The following WRNIP1 variants were observed in gnomAD, a reference collection of about 807,000 sequenced individuals.
The protein encoded by WRNIP1 is ATPase WRNIP1.
In WRNIP1, 41 loss-of-function variants were observed where a neutral mutation model predicts 56.1. That is an observed-to-expected ratio of 0.73 (90% CI 0.57 to 0.95). The LOEUF (loss-of-function observed/expected upper bound fraction) is 0.95, where lower values mean the gene tolerates loss of function less well. Ranked by LOEUF, WRNIP1 falls within the 40% of genes least tolerant of loss-of-function variation. The pLI, the probability that WRNIP1 is intolerant of heterozygous loss-of-function variation, is 0.00. For missense variants in WRNIP1, 1,170 were observed against 939.4 expected (o/e 1.25, Z -3.21); for synonymous variants, 547 against 398.1 (o/e 1.37, Z -4.45).
intron 3 of WRNIP1, chr6:2,773,349 G>A (rs1040343037): frequency 3.3e-5 from 33 of 985,284 alleles, no homozygotes; most frequent in Admixed American, 6.1e-5. Context: ...ACGCTTATAC[G>A]CCAAGTGCAG....
In WRNIP1 at chr6:2,765,777, C is replaced by T. The variant is rs768322873; in HGVS notation, c.155C>T (p.Ala52Val). ...LHPAGHAEPA[A>V]GSHRAGERAK... ...CCGGCGGGGCACGCGGAGCCCGCGG[C>T]CGGGTCGCACCGCGCCGGGGAGCGG... The change falls in exon 1 of 7, where the codon GCC becomes GTC. Residue 52 changes from alanine to valine, a missense_variant. Physicochemically the swap from Ala to Val is moderately conservative, Grantham distance 64. Transcript: ENST00000380773. The T allele has an allele frequency of 2.4e-5, 35 of 1,442,512 alleles. No individual in the cohort carries two copies. Among genetic ancestry groups the T allele is most frequent in the Non-Finnish European group, 2.6e-5 (29 of 1,099,358 alleles). 89.4% of individuals were successfully genotyped at this position (1,442,512 alleles called of 1,614,324 possible).
chr6:2,783,800 T>G (rs980156224), intron 5 of WRNIP1, among the ~76,000 whole-genome samples: 2 of 152,166 alleles, frequency 1.3e-5, no homozygotes, highest in African/African-American at 4.8e-5. Flanking sequence ...AGTCACCATT[T>G]TCTGTTTCCT....
intron 4 of WRNIP1, among the ~76,000 whole-genome samples, chr6:2,780,045 A>G (rs936554118): frequency 6.6e-6 from 1 of 152,240 alleles, no homozygotes; most frequent in Non-Finnish European, 1.5e-5. Flanking sequence ...GCATTTACAG[A>G]TAGCAGATTT....
At chr6:2,776,012 T>G (rs1008208105) in intron 3 of WRNIP1, among the ~76,000 whole-genome samples, 2 of 152,214 alleles carry the variant, frequency 1.3e-5, no homozygotes, top group African/African-American at 4.8e-5. Flanking sequence ...ATATGCTTAA[T>G]TTTAATATAT....
At chr6:2,782,376 CGTGGG>C (rs1424745457) in intron 4 of WRNIP1, among the ~76,000 whole-genome samples, 1 of 152,248 alleles carries the variant, frequency 6.6e-6, no homozygotes, top group African/African-American at 2.4e-5. Context: ...CAGGCTGAGC[CGTGGG>C]TCCTGCAGGT....
rs767013102 is a variant in WRNIP1 at position 2,765,646 on chromosome 6, C to G, written c.24C>G (p.Asp8Glu). ...CCATGGAGGTGAGCGGGCCGGAAGA[C>G]GACCCCTTCCTTTCGCAGCTGCACC... MEVSGPE[D>E]DPFLSQLHQV... The change falls in exon 1 of 7, where the codon GAC becomes GAG. Residue 8 changes from aspartate to glutamate, a missense_variant. Asp to Glu is a conservative substitution (Grantham distance 45, BLOSUM62 2). Transcript: ENST00000380773. 2 of 1,543,884 alleles carry G rather than the reference C, an allele frequency of 1.3e-6. No homozygotes were observed. The highest frequency in any genetic ancestry group is 2.3e-5 in the South Asian group (2 of 87,148).
intron 4 of WRNIP1, among the ~76,000 whole-genome samples, chr6:2,781,339 G>A (rs576280520): frequency 7.3e-4 from 111 of 152,350 alleles, no homozygotes; most frequent in Admixed American, 2.3e-3. Flanking sequence ...CATCTTCCCA[G>A]TATGAGTGTG....
chr6:2,784,246 T>G (rs1275122187), intron 5 of WRNIP1, 78 bp from the exon 6 acceptor site: 1 of 1,377,668 alleles, frequency 7.3e-7, no homozygotes, highest in African/African-American at 1.4e-5. Context: ...GCAGTGGTGG[T>G]CTGTGGTCGC....
rs1202007625 is a variant in WRNIP1 at position 2,786,443 on chromosome 6, G to A, written c.*1161G>A. 1.3e-5 allele frequency: 2 copies of A among 152,318 alleles called. No individual in the cohort carries two copies. Among genetic ancestry groups the A allele is most frequent in the African/African-American group, 4.8e-5 (2 of 41,442 alleles). 9.4% of individuals were successfully genotyped at this position (152,318 alleles called of 1,614,324 possible). On this transcript the variant is annotated 3_prime_UTR_variant, in exon 7 of 7. Coordinates refer to ENST00000380773, the MANE Select transcript of WRNIP1 (RefSeq NM_020135.3). ...TTCTGTCTGGAGTGGTTGCACTGCA[G>A]TGTGCAGTTGCCATCCCCAGAATCT... is the stretch of plus-strand genomic sequence containing the variant.
Position 2,770,349 on chromosome 6 carries a change from A to G in WRNIP1, c.1244A>G (p.Asn415Ser), listed in dbSNP as rs140389295. 2.5e-6 allele frequency: 4 copies of G among 1,614,060 alleles called. No homozygotes were observed. In the African/African-American group the frequency reaches 4.0e-5, roughly 16 times the overall value. The change falls in exon 3 of 7, where the codon AAC (asparagine) becomes AGC (serine). Residue 415 changes from asparagine to serine, a missense_variant. Asn to Ser is a conservative substitution (Grantham distance 46). Coordinates refer to ENST00000380773, the MANE Select transcript of WRNIP1 (RefSeq NM_020135.3). ...RPTDPLSHSS[N>S]SSSEPAMFIE... Reference sequence around the variant, plus strand: ...ACTGACCCTCTGAGCCACAGCAGCAACAGCAGCTCAGAGTAAGTTGACAGT... The same window carrying G: ...ACTGACCCTCTGAGCCACAGCAGCAGCAGCAGCTCAGAGTAAGTTGACAGT...
At chr6:2,779,854 G>A (rs78054875) in intron 4 of WRNIP1, among the ~76,000 whole-genome samples, 1,581 of 152,260 alleles carry the variant, frequency 0.01, 24 homozygotes, top group African/African-American at 0.034. Context: ...CATTTACAAC[G>A]GCAGTAAATA....
At chr6:2,766,577 C>G in intron 1 of WRNIP1, 133 bp downstream of exon 1, 2 of 1,383,592 alleles carry the variant, frequency 1.4e-6, no homozygotes, top group Non-Finnish European at 1.9e-6. Flanking sequence ...CAGACTTGGG[C>G]TGGGCTGGGG....
intron 3 of WRNIP1, among the ~76,000 whole-genome samples, 191 bp downstream of exon 3, chr6:2,770,552 A>G (rs981224077): frequency 1.3e-5 from 2 of 152,256 alleles, no homozygotes; most frequent in Non-Finnish European, 1.5e-5. Context: ...TGCACACTTG[A>G]AGATGCATTT....
At chr6:2,771,995 C>T (rs935563185) in intron 3 of WRNIP1, among the ~76,000 whole-genome samples, 3 of 152,082 alleles carry the variant, frequency 2.0e-5, no homozygotes, top group African/African-American at 4.8e-5. Flanking sequence ...AACATGAAAT[C>T]AATAATTAAT....
Position 2,766,124 on chromosome 6 carries a change from G to A in WRNIP1, c.502G>A (p.Ala168Thr), listed in dbSNP as rs1034466498. The A allele has an allele frequency of 1.4e-5, 19 of 1,326,470 alleles. No homozygotes were observed. The East Asian group carries it at 2.5e-4, about 17-fold the overall frequency. The allele number at this position is 1,326,470 out of a possible 1,614,324, so 82.2% of individuals were successfully genotyped here. Residue 168 changes from alanine (A) to threonine (T), a missense_variant, in exon 1 of 7, where the codon GCC becomes ACC. Ala to Thr is a moderately conservative substitution (Grantham distance 58). Transcript: ENST00000380773. ...DEAEAQEEEE[A>T]VGDGDGDGDA... Reference sequence around the variant, plus strand: ...GGCGGAGGCGCAGGAGGAGGAGGAGGCCGTGGGCGACGGCGATGGCGACGG... The same window carrying A: ...GGCGGAGGCGCAGGAGGAGGAGGAGACCGTGGGCGACGGCGATGGCGACGG...
chr6:2,785,007 G>A lies in WRNIP1; in HGVS notation c.1723G>A (p.Val575Met). Residue 575 changes from valine (V) to methionine (M), a missense_variant and splice_region_variant, in exon 7 of 7, where the codon GTG (valine) becomes ATG (methionine). Val to Met is a conservative substitution (Grantham distance 21). Transcript: ENST00000380773. ...CHFIGMPECE[V>M]LLAQCVVYFA... ...AATGTGTCCTCTGTGTCATTGGTAG[G>A]TGCTTCTGGCCCAGTGTGTGGTCTA... The A allele has an allele frequency of 1.2e-6, 2 of 1,613,770 alleles. No homozygotes were observed. Among genetic ancestry groups the A allele is most frequent in the Non-Finnish European group, 1.7e-6 (2 of 1,179,794 alleles).
chr6:2,771,050 T>A (rs1273142779), intron 3 of WRNIP1, among the ~76,000 whole-genome samples: 1 of 152,204 alleles, frequency 6.6e-6, no homozygotes, highest in Non-Finnish European at 1.5e-5. Context: ...TTTTTTTTAA[T>A]ATTAGAACAT....
At chr6:2,783,156 G>C (rs908649820) in intron 4 of WRNIP1, among the ~76,000 whole-genome samples, 1 of 152,288 alleles carries the variant, frequency 6.6e-6, no homozygotes, top group Non-Finnish European at 1.5e-5. Context: ...CTGTGCGTGT[G>C]CGTGCACTCC....
Position 2,766,408 on chromosome 6 carries a change from C to T in WRNIP1, c.786C>T (p.Pro262=), listed in dbSNP as rs779288124. Residue 262 remains proline, a synonymous_variant, in exon 1 of 7, where the codon CCC becomes CCT. Transcript: ENST00000380773. ...CGCTCCTGGAGACCAACGAAATCCC[C>T]TCGCTTATCCTGTGGGGGCCGCCGG... ...LRSLLETNEI[P]SLILWGPPGC... 53 of 1,600,156 alleles carry T rather than the reference C, an allele frequency of 3.3e-5. No homozygotes were observed. The highest frequency in any genetic ancestry group is 3.8e-5 in the Non-Finnish European group (44 of 1,172,276).
Sources: gnomAD v4.1 joint callset for allele counts (sites outside exome capture counted in the v4.1 genomes callset) on GRCh38, gnomAD v4.1.1 for gene constraint, MANE v1.5 for transcripts, NCBI Gene and HGNC (gene_info 2026-07-23, HGNC 2026-07-21) for gene names.